The following PSMB2 variants were observed in gnomAD, a reference collection of about 807,000 sequenced individuals.
PSMB2 encodes proteasome 20S subunit beta 2.
Under a neutral mutation model 25.7 loss-of-function variants are expected in PSMB2, and 13 were observed. That is an observed-to-expected ratio of 0.51 (90% CI 0.33 to 0.80). The LOEUF (loss-of-function observed/expected upper bound fraction) is 0.80. Among genes scored for constraint, PSMB2 ranks in the 30% least tolerant of loss-of-function variants. The pLI is 0.02. For synonymous variants in PSMB2, 87 were observed against 96.2 expected, an observed-to-expected ratio of 0.90 and a Z score of 0.56; for missense variants, 202 against 259.0, an observed-to-expected ratio of 0.78 and a Z score of 1.51.
At chr1:35,637,304 A>C (rs1392194749) in intron 1 of PSMB2, among the ~76,000 whole-genome samples, 5 of 152,244 alleles carry the variant, frequency 3.3e-5, no homozygotes, top group African/African-American at 1.2e-4. Context: ...CTTCCAAAGA[A>C]AAAGAGAAAA....
chr1:35,604,337 C>T (rs1650097420), intron 5 of PSMB2, among the ~76,000 whole-genome samples: 1 of 152,172 alleles, frequency 6.6e-6, no homozygotes, highest in African/African-American at 2.4e-5. Context: ...GTCTACTCTC[C>T]CCTTCTGCCC....
chr1:35,627,789 G>A (rs973422219), intron 3 of PSMB2, among the ~76,000 whole-genome samples: 1 of 152,154 alleles, frequency 6.6e-6, no homozygotes, highest in South Asian at 2.1e-4. Context: ...TTCAAACCCA[G>A]GTAGTCCAAT....
intron 3 of PSMB2, among the ~76,000 whole-genome samples, chr1:35,627,002 C>A (rs1650883366): frequency 6.6e-6 from 1 of 151,926 alleles, no homozygotes; most frequent in South Asian, 2.1e-4. Context: ...TTTTAATTAA[C>A]TTAAATTTAA....
At chr1:35,606,208 C>A (rs1260855273) in intron 4 of PSMB2, among the ~76,000 whole-genome samples, 1 of 152,058 alleles carries the variant, frequency 6.6e-6, no homozygotes, top group African/African-American at 2.4e-5. Context: ...AACCAGAGCA[C>A]TTAGGCAAGG....
In PSMB2 at chr1:35,620,764, A is replaced by C. The variant is rs754962026; in HGVS notation, c.285+10510T>G. 2.2e-4 allele frequency among the ~76,000 whole-genome samples: 33 copies of C among 151,258 alleles called. 1 individual carries two copies. The highest frequency in any genetic ancestry group is 3.7e-4 in the Non-Finnish European group (25 of 67,830). On this transcript the variant is annotated intron_variant, in intron 3 of 5. Transcript: ENST00000373237. The stretch of plus-strand genomic sequence containing the variant: ...AAAAACCCCTCTGCCTCCTGGGTTC[A>C]AGCGATTCTCCTGCCTTGGCCTCCC...
At chr1:35,609,081 TACTG>T (rs1650255347) in intron 4 of PSMB2, among the ~76,000 whole-genome samples, 161 bp downstream of exon 4, 1 of 152,224 alleles carries the variant, frequency 6.6e-6, no homozygotes, top group Non-Finnish European at 1.5e-5. Context: ...TGGAAGACCC[TACTG>T]ACTGACAGAA....
chr1:35,628,633 T>TATATATATATATGTATATA (rs1557456684), intron 3 of PSMB2, among the ~76,000 whole-genome samples: 1 of 47,010 alleles, frequency 2.1e-5, no homozygotes, highest in African/African-American at 8.2e-5. Flanking sequence ...ATATATATAT[T>TATATATATATATGTATATA]TTTTTTTTTT....
chr1:35,620,225 T>G (rs1403819698), intron 3 of PSMB2, among the ~76,000 whole-genome samples: 1 of 152,196 alleles, frequency 6.6e-6, no homozygotes, highest in Non-Finnish European at 1.5e-5. Flanking sequence ...TGGTATATGT[T>G]TTCAGATATC....
At chr1:35,607,321 C>T (rs777510046) in intron 4 of PSMB2, among the ~76,000 whole-genome samples, 6 of 151,884 alleles carry the variant, frequency 4.0e-5, no homozygotes, top group Non-Finnish European at 5.9e-5. Flanking sequence ...TATAAGGAAC[C>T]GAAATATCTC....
intron 2 of PSMB2, among the ~76,000 whole-genome samples, chr1:35,635,129 C>A (rs1241552660): frequency 6.6e-6 from 1 of 151,972 alleles, no homozygotes; most frequent in African/African-American, 2.4e-5. Context: ...CGTGGTGGCA[C>A]ATGCCTGTAA....
At chr1:35,614,274 G>C (rs534226433) in intron 3 of PSMB2, among the ~76,000 whole-genome samples, 60 of 152,236 alleles carry the variant, frequency 3.9e-4, no homozygotes, top group Middle Eastern at 6.8e-3. Flanking sequence ...TTTTTCATCA[G>C]TTCCCTTAGT....
In PSMB2 at chr1:35,602,838, A is replaced by G; in HGVS notation, c.*429T>C. 2 of 839,492 alleles carry G rather than the reference A, an allele frequency of 2.4e-6. No individual in the cohort carries two copies. Among genetic ancestry groups the G allele is most frequent in the South Asian group, 5.2e-5 (1 of 19,142 alleles). 52.0% of individuals were successfully genotyped at this position (839,492 alleles called of 1,614,324 possible). A position where few individuals can be genotyped will look rare whatever the true frequency, so the allele number is the denominator to read the frequency against. On this transcript the variant is annotated 3_prime_UTR_variant, in exon 6 of 6. Coordinates refer to ENST00000373237, the MANE Select transcript of PSMB2 (RefSeq NM_002794.5). ...CACTACATGTTTTTGTACTGTTTGC[A>G]TGTTACATTAAGTGCATGTATTATT... is the stretch of plus-strand genomic sequence containing the variant.
intron 2 of PSMB2, among the ~76,000 whole-genome samples, chr1:35,632,546 T>G (rs1165055386): frequency 6.6e-6 from 1 of 152,248 alleles, no homozygotes; most frequent in Non-Finnish European, 1.5e-5. Flanking sequence ...TGTTTTCACA[T>G]GTATTATTGT....
rs1649961655 is a variant in PSMB2, at chr1:35,600,582, A to ACT, written c.*2684_*2685insAG. On this transcript the variant is annotated 3_prime_UTR_variant, in exon 6 of 6. Transcript: ENST00000373237. ...AACCAGGTAGCTCTAATTCTCTAAG[A>ACT]CAGAATGTCATAGAGGCGGTTTGGA... 6.1e-6 allele frequency: 6 copies of ACT among 985,294 alleles called. No homozygotes were observed. The highest frequency in any genetic ancestry group is 3.5e-5 in the African/African-American group (2 of 57,358). 61.0% of individuals were successfully genotyped at this position (985,294 alleles called of 1,614,324 possible). A position where few individuals can be genotyped will look rare whatever the true frequency, so the allele number is the denominator to read the frequency against.
chr1:35,638,299 T>C (rs1338518753), intron 1 of PSMB2, among the ~76,000 whole-genome samples: 4 of 152,112 alleles, frequency 2.6e-5, no homozygotes, highest in Non-Finnish European at 4.4e-5. Flanking sequence ...CTGGGGAATT[T>C]CTGATTCTTG....
chr1:35,626,222 T>C (rs903490436), intron 3 of PSMB2, among the ~76,000 whole-genome samples: 2 of 152,222 alleles, frequency 1.3e-5, no homozygotes, highest in Non-Finnish European at 2.9e-5. Flanking sequence ...CTTAAATGTA[T>C]ACAAGCATTT....
intron 3 of PSMB2, among the ~76,000 whole-genome samples, chr1:35,617,422 C>T (rs1023240411): frequency 4.6e-5 from 7 of 151,316 alleles, no homozygotes; most frequent in Non-Finnish European, 8.9e-5. Context: ...TCTCTTTTAG[C>T]TTTAAGTAAA....
intron 3 of PSMB2, among the ~76,000 whole-genome samples, chr1:35,622,826 G>T (rs1247587057): frequency 1.4e-5 from 2 of 146,412 alleles, no homozygotes; most frequent in Admixed American, 6.8e-5. Context: ...AAAAAAAAAA[G>T]AAAGAAAAAG....
intron 4 of PSMB2, 143 bp downstream of exon 4, chr1:35,609,103 G>A: frequency 1.3e-6 from 1 of 775,350 alleles, no homozygotes; most frequent in South Asian, 3.5e-5. Flanking sequence ...GAAGAGTGCA[G>A]CTTCCAGAGG....
Sources: gnomAD v4.1 joint callset for allele counts (sites outside exome capture counted in the v4.1 genomes callset) on GRCh38, gnomAD v4.1.1 for gene constraint, MANE v1.5 for transcripts, NCBI Gene and HGNC (gene_info 2026-07-23, HGNC 2026-07-21) for gene names.